The following CTNNA3 variants were observed in gnomAD, a reference collection of about 807,000 sequenced individuals.
CTNNA3 encodes the protein catenin alpha 3, also known as catenin alpha-3.
In CTNNA3, 76 loss-of-function variants were observed where a neutral mutation model predicts 95.7. That is an observed-to-expected ratio of 0.79 (90% CI 0.66 to 0.96). The LOEUF (loss-of-function observed/expected upper bound fraction) is 0.96, where lower values mean the gene tolerates loss of function less well. Ranked by LOEUF, CTNNA3 falls within the 40% of genes least tolerant of loss-of-function variation. CTNNA3 has a pLI of 0.00. For synonymous variants in CTNNA3, 431 were observed against 374.4 expected, an observed-to-expected ratio of 1.15 and a Z score of -1.74; for missense variants, 1,191 against 1,089.8, an observed-to-expected ratio of 1.09 and a Z score of -1.31.
chr10:66,892,261 G>T (rs991397019), intron 7 of CTNNA3, among the ~76,000 whole-genome samples: 2 of 151,990 alleles, frequency 1.3e-5, no homozygotes, highest in East Asian at 1.9e-4. Context: ...AATTACGGAC[G>T]ATGTCAAAAT....
intron 7 of CTNNA3, among the ~76,000 whole-genome samples, chr10:67,101,475 T>C (rs948689962): frequency 2.6e-5 from 4 of 151,734 alleles, no homozygotes; most frequent in African/African-American, 7.3e-5. Flanking sequence ...AAAAATAAAA[T>C]ATAATTTATC....
rs1411872894 is a variant in CTNNA3 at position 66,970,500 on chromosome 10, GGT to G, written c.1048-194978_1048-194977del. Among the ~76,000 whole-genome samples the G allele has an allele frequency of 5.9e-3, 744 of 127,176 alleles. 8 individuals carry two copies. Among genetic ancestry groups the G allele is most frequent in the African/African-American group, 0.02 (707 of 35,474 alleles). 83.4% of individuals were successfully genotyped at this position (127,176 alleles called of 152,430 possible). A position where few individuals can be genotyped will look rare whatever the true frequency, so the allele number is the denominator to read the frequency against. On this transcript the variant is annotated intron_variant, in intron 7 of 17. Coordinates refer to ENST00000433211, the MANE Select transcript of CTNNA3 (RefSeq NM_013266.4). ...ACTCCACAAAAGGTCTATATTCTTG[GGT>G]GGGGGGGGGATACAATTCTTCTATT...
intron 10 of CTNNA3, among the ~76,000 whole-genome samples, chr10:66,577,950 T>G (rs1260888537): frequency 6.6e-6 from 1 of 152,088 alleles, no homozygotes; most frequent in Non-Finnish European, 1.5e-5. Context: ...TTCCTATCCA[T>G]GGAATAGGAA....
In CTNNA3 at chr10:67,361,344, G is replaced by C. The variant is rs368166336; in HGVS notation, c.580-141474C>G. On this transcript the variant is annotated intron_variant, in intron 5 of 17. Coordinates refer to ENST00000433211, the MANE Select transcript of CTNNA3 (RefSeq NM_013266.4). ...TATACATTCTTCTCATCTGCACACA[G>C]AACATACTGCAAGACTGATCACATG... is the stretch of plus-strand genomic sequence containing the variant. Among the ~76,000 whole-genome samples, 53 of 152,196 alleles carry C rather than the reference G, an allele frequency of 3.5e-4. No individual in the cohort carries two copies. The South Asian group carries it at 0.011, about 32-fold the overall frequency.
In CTNNA3 at chr10:67,383,273, T is replaced by C. The variant is rs969827099; in HGVS notation, c.579+138569A>G. ...TCTCATTCATCTATTTATTCATTTATTCAACAGGAAGATGAAAAAGCCATG... is the reference window on the plus strand; with the variant it reads ...TCTCATTCATCTATTTATTCATTTACTCAACAGGAAGATGAAAAAGCCATG... On this transcript the variant is annotated intron_variant, in intron 5 of 17. Coordinates refer to ENST00000433211, the MANE Select transcript of CTNNA3 (RefSeq NM_013266.4). Among the ~76,000 whole-genome samples, 6 of 152,202 alleles carry C rather than the reference T, an allele frequency of 3.9e-5. No individual in the cohort carries two copies. The East Asian group carries it at 1.2e-3, about 29-fold the overall frequency.
chr10:67,028,615 C>T (rs1853531984), intron 7 of CTNNA3, among the ~76,000 whole-genome samples: 1 of 142,826 alleles, frequency 7.0e-6, no homozygotes, highest in African/African-American at 2.6e-5. Flanking sequence ...AGAAGGAAGT[C>T]AGAGATAACT....
At position 66,927,695 on chromosome 10, in the gene CTNNA3, T is replaced by A; in HGVS notation, c.1048-152171A>T. ...TGGAGCTCCTTACAAAGGCTTGATT[T>A]ATCAGGCAATGAGATCGAAGCTTTC... On this transcript the variant is annotated intron_variant, in intron 7 of 17. Transcript: ENST00000433211. This position sits in a 1 kb window ranked among gnomAD's most constrained non-coding sequence, Gnocchi z 4.7. 6.2e-7 allele frequency: 1 copy of A among 1,614,196 alleles called. No homozygotes were observed. Among genetic ancestry groups the A allele is most frequent in the Non-Finnish European group, 8.5e-7 (1 of 1,180,038 alleles).
intron 1 of CTNNA3, among the ~76,000 whole-genome samples, chr10:67,655,335 A>G (rs1162998554): frequency 6.6e-6 from 1 of 152,254 alleles, no homozygotes; most frequent in Admixed American, 6.5e-5. Context: ...AAATATTTGT[A>G]TTAATAGTAG....
chr10:66,446,423 C>A (rs1178009440), intron 11 of CTNNA3, among the ~76,000 whole-genome samples: 4 of 151,962 alleles, frequency 2.6e-5, no homozygotes, highest in Non-Finnish European at 4.4e-5. Context: ...CAAAAATCCT[C>A]AATAAAATAC....
At chr10:66,596,695 A>G (rs567711533) in intron 10 of CTNNA3, among the ~76,000 whole-genome samples, 3 of 152,236 alleles carry the variant, frequency 2.0e-5, no homozygotes, top group Non-Finnish European at 4.4e-5. Context: ...TTCTTTCCTA[A>G]TATCAGACAG....
At chr10:67,584,869 G>A (rs1320626101) in intron 3 of CTNNA3, among the ~76,000 whole-genome samples, 1 of 152,252 alleles carries the variant, frequency 6.6e-6, no homozygotes, top group East Asian at 1.9e-4. Context: ...TGTGAGCCAT[G>A]TGCGGGATAT....
rs140966159 is a variant in CTNNA3 at position 66,306,490 on chromosome 10, A to G, written c.1733-25869T>C. On this transcript the variant is annotated intron_variant, in intron 12 of 17. Transcript: ENST00000433211. ...CACAGAAGGGCTTAGTGAATCGATG[A>G]TGGTGCCAAAATTAGAATTTATGGC... 6.9e-4 allele frequency among the ~76,000 whole-genome samples: 105 copies of G among 152,320 alleles called. 1 individual carries two copies. The highest frequency in any genetic ancestry group is 2.3e-3 in the African/African-American group (97 of 41,570).
At chr10:66,713,807 T>C (rs1006395155) in intron 9 of CTNNA3, among the ~76,000 whole-genome samples, 1 of 152,264 alleles carries the variant, frequency 6.6e-6, no homozygotes. Context: ...TGGCTTGGCT[T>C]ATAACTTTCA....
At chr10:67,157,491 G>C (rs1051674993) in intron 7 of CTNNA3, among the ~76,000 whole-genome samples, 1 of 152,046 alleles carries the variant, frequency 6.6e-6, no homozygotes, top group Non-Finnish European at 1.5e-5. Flanking sequence ...ACCCAAGGTA[G>C]AAAAAAGGAG....
chr10:66,349,641 T>C (rs557330484), intron 12 of CTNNA3, among the ~76,000 whole-genome samples: 57 of 152,244 alleles, frequency 3.7e-4, no homozygotes, highest in African/African-American at 1.3e-3. Context: ...AATTGAATTA[T>C]CAGGATGATC....
rs995518438 is a variant in CTNNA3, at chr10:66,974,804, GT to G, written c.1048-199281del. Among the ~76,000 whole-genome samples, 1,127 of 140,196 alleles carry G rather than the reference GT, an allele frequency of 8.0e-3. 12 individuals are homozygous for G. The highest frequency in any genetic ancestry group is 0.027 in the African/African-American group (1,037 of 38,586). The allele number at this position is 140,196 out of a possible 152,430, so 92.0% of individuals were successfully genotyped here. A position where few individuals can be genotyped will look rare whatever the true frequency, so the allele number is the denominator to read the frequency against. ...CTTTTCATGTGCTTACCAACCATTT[GT>G]TTTTTTTTTTCTGAAGTGTCTGTTG... On this transcript the variant is annotated intron_variant, in intron 7 of 17. Coordinates refer to ENST00000433211, the MANE Select transcript of CTNNA3 (RefSeq NM_013266.4).
intron 3 of CTNNA3, among the ~76,000 whole-genome samples, chr10:67,594,642 A>AT (rs200913634): frequency 1.9e-4 from 27 of 145,894 alleles, no homozygotes; most frequent in East Asian, 6.1e-4. Flanking sequence ...GATCATCTCT[A>AT]TTTTTTTTTC....
chr10:65,931,707 A>C (rs1354154546), intron 17 of CTNNA3, among the ~76,000 whole-genome samples: 1 of 152,200 alleles, frequency 6.6e-6, no homozygotes, highest in African/African-American at 2.4e-5. Context: ...CTCTCTTCAA[A>C]TCAGAAGTCT....
intron 11 of CTNNA3, among the ~76,000 whole-genome samples, chr10:66,503,791 A>G (rs1436992189): frequency 6.6e-6 from 1 of 152,050 alleles, no homozygotes; most frequent in Non-Finnish European, 1.5e-5. Context: ...TCTATGTTCC[A>G]CGTAGTCTCT....
Sources: gnomAD v4.1 joint callset for allele counts (sites outside exome capture counted in the v4.1 genomes callset) on GRCh38, gnomAD v4.1.1 for gene constraint, Gnocchi (gnomAD v3.1) non-coding constraint, MANE v1.5 for transcripts, NCBI Gene and HGNC (gene_info 2026-07-23, HGNC 2026-07-21) for gene names.